The following ZBTB20 variants were observed in gnomAD, a reference collection of about 807,000 sequenced individuals.
ZBTB20 encodes zinc finger and BTB domain containing 20.
Under a neutral mutation model 56.9 loss-of-function variants are expected in ZBTB20, and 9 were observed. The ratio of observed to expected loss-of-function variants is 0.16; its 90% CI spans 0.10 to 0.28. ZBTB20 has a LOEUF of 0.28. Among genes scored for constraint, ZBTB20 ranks in the 10% least tolerant of loss-of-function variants. The pLI is 1.00. For synonymous variants in ZBTB20, 417 were observed against 420.7 expected (o/e 0.99, Z 0.11); for missense variants, 655 against 1,003.0 (o/e 0.65, Z 4.69).
At chr3:114,889,769 C>T (rs1239630664) in intron 4 of ZBTB20, among the ~76,000 whole-genome samples, 1 of 151,954 alleles carries the variant, frequency 6.6e-6, no homozygotes, top group African/African-American at 2.4e-5. Flanking sequence ...TTCTGGAATT[C>T]TTGCTTCTTT....
At chr3:114,577,142 A>G (rs1267723654) in intron 6 of ZBTB20, among the ~76,000 whole-genome samples, 1 of 152,176 alleles carries the variant, frequency 6.6e-6, no homozygotes, top group Non-Finnish European at 1.5e-5. Flanking sequence ...CTGAACGTAG[A>G]AAGGATTGGG....
At position 114,329,620 on chromosome 3, in the gene ZBTB20, A is replaced by G. The variant is rs1205237494; in HGVS notation, c.*9385T>C. 1 of 151,374 alleles carries G rather than the reference A, an allele frequency of 6.6e-6. No homozygotes were observed. Among genetic ancestry groups the G allele is most frequent in the Non-Finnish European group, 1.5e-5 (1 of 67,918 alleles). The allele number at this position is 151,374 out of a possible 1,614,324, so 9.4% of individuals were successfully genotyped here. ...ACCATTTTACGGATTCCTCAGATTT[A>G]AAAATGTCTCAGATAGATATTTCCA... On this transcript the variant is annotated 3_prime_UTR_variant, in exon 12 of 12. Transcript: ENST00000675478.
intron 6 of ZBTB20, among the ~76,000 whole-genome samples, chr3:114,529,715 G>A (rs1478037204): frequency 6.6e-6 from 1 of 152,192 alleles, no homozygotes; most frequent in Non-Finnish European, 1.5e-5. Context: ...TAGAAGGTAG[G>A]GATGATGGGT....
intron 4 of ZBTB20, among the ~76,000 whole-genome samples, chr3:114,809,457 T>C (rs983176171): frequency 3.3e-5 from 5 of 152,100 alleles, no homozygotes; most frequent in African/African-American, 7.2e-5. Context: ...CTGTTGAGAT[T>C]CTCTTGCAAT....
At chr3:114,718,569 G>T (rs1315599722) in intron 5 of ZBTB20, among the ~76,000 whole-genome samples, 1 of 151,966 alleles carries the variant, frequency 6.6e-6, no homozygotes, top group East Asian at 1.9e-4. Flanking sequence ...ACTGACACGA[G>T]AAAATATCGC....
At chr3:114,653,439 TA>T (rs2060231895) in intron 6 of ZBTB20, among the ~76,000 whole-genome samples, 1 of 151,988 alleles carries the variant, frequency 6.6e-6, no homozygotes, top group South Asian at 2.1e-4. Context: ...TTTCAAACGT[TA>T]AACTAAAGTT....
chr3:114,946,396 A>G (rs74389228), intron 3 of ZBTB20, among the ~76,000 whole-genome samples: 12,132 of 145,570 alleles, frequency 0.083, 1,230 homozygotes, highest in Admixed American at 0.17. Flanking sequence ...CAAATAAAGC[A>G]ATAGATAAAC....
At chr3:115,019,189 T>C (rs898262328) in intron 2 of ZBTB20, among the ~76,000 whole-genome samples, 5 of 151,382 alleles carry the variant, frequency 3.3e-5, no homozygotes, top group East Asian at 1.9e-4. Context: ...TCTGTTTATA[T>C]AGCAGTTTAA....
intron 7 of ZBTB20, among the ~76,000 whole-genome samples, chr3:114,413,774 A>G (rs951156674): frequency 1.3e-5 from 2 of 152,156 alleles, no homozygotes; most frequent in Non-Finnish European, 1.5e-5. Context: ...CATATTACAG[A>G]TGAGAGAAGT....
chr3:114,591,034 T>C (rs2055708352), intron 6 of ZBTB20, among the ~76,000 whole-genome samples: 1 of 152,204 alleles, frequency 6.6e-6, no homozygotes, highest in Non-Finnish European at 1.5e-5. Context: ...GTTTCCCACT[T>C]CTCATCACTT....
intron 8 of ZBTB20, chr3:114,387,285 T>C (rs559934837): frequency 6.6e-6 from 1 of 152,320 alleles, no homozygotes; most frequent in African/African-American, 2.4e-5. Context: ...CACATTTTAA[T>C]TTTTTATCCT....
chr3:114,954,096 A>C (rs2077166720), intron 3 of ZBTB20, among the ~76,000 whole-genome samples: 1 of 152,130 alleles, frequency 6.6e-6, no homozygotes, highest in Non-Finnish European at 1.5e-5. Flanking sequence ...CTCACTGTGA[A>C]AGTGCAGTTT....
intron 4 of ZBTB20, among the ~76,000 whole-genome samples, chr3:114,825,923 C>T (rs2073500879): frequency 6.6e-6 from 1 of 151,752 alleles, no homozygotes; most frequent in African/African-American, 2.4e-5. Flanking sequence ...TTGTCAGTAT[C>T]TATGATCACT....
chr3:114,602,280 T>C (rs1689811036), intron 6 of ZBTB20, among the ~76,000 whole-genome samples: 1 of 152,054 alleles, frequency 6.6e-6, no homozygotes, highest in African/African-American at 2.4e-5. Flanking sequence ...TGTAGAAAGT[T>C]TGACATAAGC....
chr3:114,517,152 A>G (rs761234939), intron 6 of ZBTB20, among the ~76,000 whole-genome samples: 11 of 152,204 alleles, frequency 7.2e-5, no homozygotes, highest in Non-Finnish European at 1.6e-4. Flanking sequence ...CTATCAATCA[A>G]TATATTAATA....
At chr3:114,992,374 A>G (rs2078853399) in intron 2 of ZBTB20, among the ~76,000 whole-genome samples, 1 of 152,058 alleles carries the variant, frequency 6.6e-6, no homozygotes, top group African/African-American at 2.4e-5. Flanking sequence ...AAAACTATTA[A>G]AAGTCAAGAC....
At chr3:115,126,045 T>A (rs1423784942) in intron 1 of ZBTB20, among the ~76,000 whole-genome samples, 1 of 152,060 alleles carries the variant, frequency 6.6e-6, no homozygotes, top group Non-Finnish European at 1.5e-5. Flanking sequence ...AAAATAGGTA[T>A]AAGAACCACC....
intron 6 of ZBTB20, among the ~76,000 whole-genome samples, chr3:114,584,881 A>G (rs1186177287): frequency 6.6e-6 from 1 of 152,170 alleles, no homozygotes; most frequent in Non-Finnish European, 1.5e-5. Context: ...ACAGACCTGA[A>G]GCGTCTAGAA....
chr3:114,748,732 T>G (rs1484068368), intron 5 of ZBTB20, among the ~76,000 whole-genome samples: 2 of 152,170 alleles, frequency 1.3e-5, no homozygotes, highest in Non-Finnish European at 2.9e-5. Flanking sequence ...GTGACTATTG[T>G]TAAATTAGAT....
Sources: gnomAD v4.1 joint callset for allele counts (sites outside exome capture counted in the v4.1 genomes callset) on GRCh38, gnomAD v4.1.1 for gene constraint, MANE v1.5 for transcripts, NCBI Gene and HGNC (gene_info 2026-07-23, HGNC 2026-07-21) for gene names.